The following XKR6 variants were observed in gnomAD, a reference collection of about 807,000 sequenced individuals.
The protein encoded by XKR6 is XK-related protein 6.
A neutral mutation model predicts 56.7 loss-of-function variants in XKR6; 22 were observed. The observed-to-expected ratio is 0.39, with a 90% confidence interval of 0.28 to 0.55. The LOEUF (loss-of-function observed/expected upper bound fraction) is 0.55, where lower values mean the gene tolerates loss of function less well. XKR6 is among the 20% of genes least tolerant of loss of function. The pLI, the probability that XKR6 is intolerant of heterozygous loss-of-function variation, is 0.66. For missense variants in XKR6, 852 were observed against 889.0 expected, an observed-to-expected ratio of 0.96 and a Z score of 0.53; for synonymous variants, 524 against 387.8, an observed-to-expected ratio of 1.35 and a Z score of -4.13.
At chr8:11,091,914 T>G (rs978115158) in intron 1 of XKR6, among the ~76,000 whole-genome samples, 1 of 152,160 alleles carries the variant, frequency 6.6e-6, no homozygotes, top group African/African-American at 2.4e-5. Context: ...AATAAATATT[T>G]GCTGAATGAA....
chr8:11,192,505 C>T (rs972900705), intron 1 of XKR6, among the ~76,000 whole-genome samples: 1 of 151,904 alleles, frequency 6.6e-6, no homozygotes, highest in African/African-American at 2.4e-5. Context: ...GCCCCAGCTA[C>T]TCAGGAGGCA....
intron 1 of XKR6, among the ~76,000 whole-genome samples, chr8:10,947,944 G>A (rs1054916439): frequency 8.5e-5 from 13 of 152,174 alleles, no homozygotes; most frequent in East Asian, 5.8e-4. Flanking sequence ...CTTCCAGGAC[G>A]AAGTGGCTGT....
At chr8:11,142,023 CAAAA>C (rs61218279) in intron 1 of XKR6, among the ~76,000 whole-genome samples, 1 of 99,418 alleles carries the variant, frequency 1.0e-5, no homozygotes. Context: ...TACTACATTC[CAAAA>C]AAAAAAAAAA....
intron 1 of XKR6, among the ~76,000 whole-genome samples, chr8:10,974,248 G>A (rs1021393544): frequency 6.6e-6 from 1 of 152,174 alleles, no homozygotes; most frequent in African/African-American, 2.4e-5. Flanking sequence ...GGCATTTCTG[G>A]CTTTAGTGAA....
At chr8:11,026,680 T>A (rs1382309430) in intron 1 of XKR6, among the ~76,000 whole-genome samples, 1 of 149,390 alleles carries the variant, frequency 6.7e-6, no homozygotes, top group East Asian at 2.1e-4. Flanking sequence ...CGTTGCCTAC[T>A]ACACACCTAG....
chr8:11,159,153 A>C (rs1445616222), intron 1 of XKR6, among the ~76,000 whole-genome samples: 2 of 152,232 alleles, frequency 1.3e-5, no homozygotes, highest in Non-Finnish European at 2.9e-5. Context: ...ATGAGTTAAT[A>C]CACATCAGCT....
chr8:10,925,457 C>A (rs988722289), intron 1 of XKR6, among the ~76,000 whole-genome samples: 3 of 152,162 alleles, frequency 2.0e-5, no homozygotes, highest in Non-Finnish European at 2.9e-5. Flanking sequence ...CCACTGGACA[C>A]CCTCCCTGGA....
chr8:11,141,141 A>C (rs1300774704), intron 1 of XKR6, among the ~76,000 whole-genome samples: 1 of 152,202 alleles, frequency 6.6e-6, no homozygotes, highest in Non-Finnish European at 1.5e-5. Flanking sequence ...GATGCAAAAG[A>C]CTTTAACTGT....
intron 1 of XKR6, among the ~76,000 whole-genome samples, chr8:11,056,347 C>T (rs1185060578): frequency 1.3e-5 from 2 of 152,232 alleles, no homozygotes; most frequent in Admixed American, 1.3e-4. Context: ...TCCTTCCCTT[C>T]TCCACATTGC....
At chr8:10,911,704 G>C (rs891346049) in intron 2 of XKR6, among the ~76,000 whole-genome samples, 4 of 144,840 alleles carry the variant, frequency 2.8e-5, no homozygotes, top group Non-Finnish European at 6.1e-5. Context: ...ATATACACAT[G>C]TAGAGAGAGA....
At chr8:10,981,508 T>C (rs764876160) in intron 1 of XKR6, among the ~76,000 whole-genome samples, 5 of 152,194 alleles carry the variant, frequency 3.3e-5, no homozygotes, top group African/African-American at 1.2e-4. Context: ...TGAATTCCAC[T>C]AACAAAGACA....
intron 1 of XKR6, among the ~76,000 whole-genome samples, chr8:10,951,299 G>GTGTGTGTGTGT (rs762396240): frequency 8.5e-6 from 1 of 117,542 alleles, no homozygotes. Context: ...GTGTGTGTGT[G>GTGTGTGTGTGT]GGGGGGGGGG....
intron 1 of XKR6, among the ~76,000 whole-genome samples, chr8:11,069,774 G>T (rs555339387): frequency 6.6e-6 from 1 of 152,304 alleles, no homozygotes; most frequent in African/African-American, 2.4e-5. Context: ...GTGCACTACT[G>T]TGCAACTGGA....
At chr8:10,940,163 G>A (rs531665635) in intron 1 of XKR6, among the ~76,000 whole-genome samples, 1 of 152,324 alleles carries the variant, frequency 6.6e-6, no homozygotes, top group South Asian at 2.1e-4. Flanking sequence ...CCACATTAGT[G>A]AAAGAAAGAA....
chr8:11,100,912 G>A (rs1458700754), intron 1 of XKR6, among the ~76,000 whole-genome samples: 2 of 152,202 alleles, frequency 1.3e-5, no homozygotes, highest in African/African-American at 4.8e-5. Context: ...GCTGCCGGGG[G>A]CATGCACTTT....
At chr8:11,012,914 A>G (rs945409186) in intron 1 of XKR6, among the ~76,000 whole-genome samples, 3 of 152,162 alleles carry the variant, frequency 2.0e-5, no homozygotes, top group East Asian at 3.9e-4. Context: ...CATCCCAGAT[A>G]CCCCAAGGAA....
intron 1 of XKR6, among the ~76,000 whole-genome samples, chr8:10,958,047 T>C (rs1437525780): frequency 6.6e-6 from 1 of 152,192 alleles, no homozygotes; most frequent in African/African-American, 2.4e-5. Context: ...CCTACTTTAG[T>C]GTTGTGTGAT....
chr8:10,946,150 G>T (rs1226569077), intron 1 of XKR6, among the ~76,000 whole-genome samples: 1 of 151,978 alleles, frequency 6.6e-6, no homozygotes, highest in Non-Finnish European at 1.5e-5. Flanking sequence ...CACTCTGCCT[G>T]CAGGTTTCTC....
intron 1 of XKR6, among the ~76,000 whole-genome samples, chr8:11,090,498 C>G (rs1442127025): frequency 6.6e-6 from 1 of 151,962 alleles, no homozygotes; most frequent in Non-Finnish European, 1.5e-5. Context: ...TGGTAGGTGT[C>G]TCAAAGAGAG....
Sources: gnomAD v4.1 joint callset for allele counts (sites outside exome capture counted in the v4.1 genomes callset) on GRCh38, gnomAD v4.1.1 for gene constraint, MANE v1.5 for transcripts, NCBI Gene and HGNC (gene_info 2026-07-23, HGNC 2026-07-21) for gene names.